Variants in WDR37 observed in about 807,000 individuals in gnomAD.
WDR37 encodes WD repeat-containing protein 37.
WDR37 carries 19 observed loss-of-function variants against 62.9 expected under a neutral mutation model. That is an observed-to-expected ratio of 0.30 (90% CI 0.21 to 0.44). The LOEUF is 0.44. WDR37 is among the 20% of genes least tolerant of loss of function. The probability of loss-of-function intolerance (pLI) is 1.00; values close to 1 mark genes in which losing one functional copy is unlikely to be tolerated. For synonymous variants in WDR37, 250 were observed against 260.9 expected, an observed-to-expected ratio of 0.96 and a Z score of 0.40; for missense variants, 474 against 657.6, an observed-to-expected ratio of 0.72 and a Z score of 3.05.
intron 4 of WDR37, 129 bp downstream of exon 4, chr10:1,080,235 G>A: frequency 7.9e-7 from 1 of 1,270,304 alleles, no homozygotes; most frequent in East Asian, 2.5e-5. Flanking sequence ...TCAGGTGTGG[G>A]TCTAGGAGAA....
At chr10:1,111,958 G>A (rs1835230512) in intron 11 of WDR37, among the ~76,000 whole-genome samples, 1 of 151,750 alleles carries the variant, frequency 6.6e-6, no homozygotes, top group African/African-American at 2.4e-5. Flanking sequence ...CTGGAGTGCA[G>A]TGGTGCAATC....
Position 1,125,020 on chromosome 10 carries a change from G to A in WDR37, c.1349G>A (p.Arg450Gln), listed in dbSNP as rs1835696324. Residue 450 changes from arginine to glutamine, a missense_variant, in exon 13 of 14, where the codon CGA (arginine) becomes CAA (glutamine). By Grantham distance (43) the Arg-to-Gln change is conservative. Coordinates refer to ENST00000263150, the MANE Select transcript of WDR37 (RefSeq NM_014023.4). ...VRLARLPRSS[R>Q]QGHRRMVCCS... The stretch of plus-strand genomic sequence containing the variant: ...CTGGCGCGGCTTCCCCGGAGCAGCC[G>A]ACAGGTAACAGCACGGTCGGTGAAC... 1 of 1,614,216 alleles carries A rather than the reference G, an allele frequency of 6.2e-7. No homozygotes were observed. Among genetic ancestry groups the A allele is most frequent in the Non-Finnish European group, 8.5e-7 (1 of 1,180,040 alleles).
intron 11 of WDR37, among the ~76,000 whole-genome samples, chr10:1,109,019 G>T (rs1364443548): frequency 3.3e-5 from 5 of 152,348 alleles, no homozygotes; most frequent in African/African-American, 1.2e-4. Flanking sequence ...AAAGGCCGAA[G>T]AATTCTGTCC....
intron 9 of WDR37, among the ~76,000 whole-genome samples, chr10:1,097,895 G>T (rs1208724576): frequency 6.6e-6 from 1 of 152,178 alleles, no homozygotes; most frequent in African/African-American, 2.4e-5. Context: ...TACGGCTGGA[G>T]GGGAGCTCAG....
At chr10:1,102,821 G>A (rs914746938) in intron 9 of WDR37, among the ~76,000 whole-genome samples, 5 of 152,108 alleles carry the variant, frequency 3.3e-5, no homozygotes, top group African/African-American at 7.2e-5. Context: ...CCATACTAAC[G>A]GGTGTGTGTG....
intron 7 of WDR37, among the ~76,000 whole-genome samples, chr10:1,088,833 T>TA (rs1000301684): frequency 6.6e-6 from 1 of 152,168 alleles, no homozygotes; most frequent in Non-Finnish European, 1.5e-5. Context: ...CCTCAATTTG[T>TA]AAAAAATCCA....
At chr10:1,058,238 A>G (rs1833263071) in intron 1 of WDR37, among the ~76,000 whole-genome samples, 1 of 152,180 alleles carries the variant, frequency 6.6e-6, no homozygotes, top group Non-Finnish European at 1.5e-5. Flanking sequence ...AGGCCTTCCT[A>G]AGTCCCGACT....
intron 13 of WDR37, among the ~76,000 whole-genome samples, chr10:1,127,160 T>C (rs577016196): frequency 9.8e-4 from 150 of 152,362 alleles, no homozygotes; most frequent in Non-Finnish European, 1.5e-3. Flanking sequence ...TATTTGTTTA[T>C]GACTGTGAAC....
intron 1 of WDR37, among the ~76,000 whole-genome samples, chr10:1,066,394 G>A (rs902326414): frequency 1.3e-5 from 2 of 152,190 alleles, no homozygotes; most frequent in African/African-American, 4.8e-5. Flanking sequence ...GGGATTATAG[G>A]CGTGAGCCAC....
At chr10:1,120,825 A>G (rs1043350039) in intron 11 of WDR37, among the ~76,000 whole-genome samples, 2 of 152,228 alleles carry the variant, frequency 1.3e-5, no homozygotes, top group East Asian at 1.9e-4. Flanking sequence ...AAATTTCGGC[A>G]GATTGTTATG....
chr10:1,087,487 C>T (rs1834240518), intron 7 of WDR37, among the ~76,000 whole-genome samples: 2 of 152,234 alleles, frequency 1.3e-5, no homozygotes, highest in African/African-American at 2.4e-5. Flanking sequence ...TCCTTGATCC[C>T]TGGGCTACAG....
intron 11 of WDR37, among the ~76,000 whole-genome samples, chr10:1,112,380 C>G (rs866231905): frequency 4.6e-5 from 7 of 152,206 alleles, no homozygotes; most frequent in African/African-American, 1.7e-4. Flanking sequence ...ACTGGCCGTT[C>G]CTTCGTCTCT....
chr10:1,077,898 C>T lies in WDR37; in HGVS notation c.139-9C>T. Reference sequence around the variant, plus strand: ...ATTCATTCATTTTAAACAAAGTCTTCTTCTGCAGGATTCTAAACTGCCTTC... The same window carrying T: ...ATTCATTCATTTTAAACAAAGTCTTTTTCTGCAGGATTCTAAACTGCCTTC... On this transcript the variant is annotated splice_polypyrimidine_tract_variant and intron_variant, in intron 2 of 13. Transcript: ENST00000263150. The T allele has an allele frequency of 1.9e-6, 3 of 1,602,738 alleles. No individual in the cohort carries two copies. The highest frequency in any genetic ancestry group is 1.1e-5 in the South Asian group (1 of 88,356).
At chr10:1,095,183 AC>A (rs1834532301) in intron 8 of WDR37, among the ~76,000 whole-genome samples, 1 of 148,752 alleles carries the variant, frequency 6.7e-6, no homozygotes, top group Non-Finnish European at 1.5e-5. Context: ...GGAGAGTTAG[AC>A]TGGGAAATGT....
intron 13 of WDR37, among the ~76,000 whole-genome samples, chr10:1,126,367 C>G (rs1006909771): frequency 4.7e-5 from 7 of 149,868 alleles, no homozygotes; most frequent in Admixed American, 1.3e-4. Flanking sequence ...GATCGCGCCA[C>G]TGCACTCCAG....
At chr10:1,110,575 G>C (rs1835183038) in intron 11 of WDR37, among the ~76,000 whole-genome samples, 1 of 152,338 alleles carries the variant, frequency 6.6e-6, no homozygotes, top group Admixed American at 6.5e-5. Context: ...ATGTGCGTCC[G>C]CGCCCCAGCA....
At chr10:1,122,325 T>A (rs1423938264) in intron 11 of WDR37, among the ~76,000 whole-genome samples, 1 of 152,170 alleles carries the variant, frequency 6.6e-6, no homozygotes, top group East Asian at 1.9e-4. Context: ...GCTGCTTCAG[T>A]GCGGGGTGAG....
intron 1 of WDR37, among the ~76,000 whole-genome samples, chr10:1,062,840 C>T (rs1332697606): frequency 6.6e-6 from 1 of 152,140 alleles, no homozygotes; most frequent in Non-Finnish European, 1.5e-5. Context: ...GTAATCCAAG[C>T]ACTTTGGGAG....
chr10:1,095,494 C>G (rs1834545421), intron 8 of WDR37, among the ~76,000 whole-genome samples: 1 of 152,122 alleles, frequency 6.6e-6, no homozygotes, highest in African/African-American at 2.4e-5. Flanking sequence ...GCAGTACATT[C>G]ATTTGCATCA....
Sources: gnomAD v4.1 joint callset for allele counts (sites outside exome capture counted in the v4.1 genomes callset) on GRCh38, gnomAD v4.1.1 for gene constraint, MANE v1.5 for transcripts, NCBI Gene and HGNC (gene_info 2026-07-23, HGNC 2026-07-21) for gene names.